ABCA13: variants seen among roughly 807,000 people sequenced by gnomAD.
The protein encoded by ABCA13 is ATP binding cassette subfamily A member 13, also known as ATP-binding cassette sub-family A member 13.
ABCA13 carries 476 observed loss-of-function variants against 478.7 expected under a neutral mutation model. The ratio of observed to expected loss-of-function variants is 0.99; its 90% CI spans 0.92 to 1.07. The LOEUF (loss-of-function observed/expected upper bound fraction) is 1.07. Among genes scored for constraint, ABCA13 ranks in the 50% least tolerant of loss-of-function variants. The probability of loss-of-function intolerance (pLI) is 0.00; values close to 1 mark genes in which losing one functional copy is unlikely to be tolerated. For synonymous variants in ABCA13, 2,252 were observed against 2,158.9 expected (o/e 1.04, Z -1.20); for missense variants, 6,060 against 5,910.6 (o/e 1.03, Z -0.83).
intron 42 of ABCA13, among the ~76,000 whole-genome samples, chr7:48,447,670 G>A (rs1364494519): frequency 6.6e-6 from 1 of 152,164 alleles, no homozygotes; most frequent in Non-Finnish European, 1.5e-5. Flanking sequence ...CCAGGAGAGA[G>A]AGAAGCCTCA....
intron 60 of ABCA13, among the ~76,000 whole-genome samples, chr7:48,644,409 G>A (rs554744115): frequency 2.0e-5 from 3 of 152,186 alleles, no homozygotes; most frequent in Non-Finnish European, 4.4e-5. Context: ...TCAGGGGGCA[G>A]AACAGCAATG....
At chr7:48,476,847 GA>G (rs1284167569) in intron 45 of ABCA13, among the ~76,000 whole-genome samples, 1 of 152,180 alleles carries the variant, frequency 6.6e-6, no homozygotes, top group Admixed American at 6.5e-5. Context: ...CATGAAGTGG[GA>G]AAGGAAAGAG....
At chr7:48,300,161 A>G (rs1333527474) in intron 23 of ABCA13, among the ~76,000 whole-genome samples, 1 of 152,190 alleles carries the variant, frequency 6.6e-6, no homozygotes, top group Non-Finnish European at 1.5e-5. Flanking sequence ...TCCTTTTCTT[A>G]TCTTTCTTCC....
intron 58 of ABCA13, among the ~76,000 whole-genome samples, chr7:48,605,181 T>G (rs753961247): frequency 1.3e-5 from 2 of 152,162 alleles, no homozygotes; most frequent in African/African-American, 2.4e-5. Context: ...ACTCTTTATC[T>G]AATTTGCCAG....
At chr7:48,529,933 A>G (rs1004405389) in intron 55 of ABCA13, among the ~76,000 whole-genome samples, 2 of 151,966 alleles carry the variant, frequency 1.3e-5, no homozygotes, top group African/African-American at 2.4e-5. Flanking sequence ...TTTTATTTCA[A>G]TAGGTTTTTG....
chr7:48,589,390 A>T (rs944276675), intron 57 of ABCA13, among the ~76,000 whole-genome samples: 1 of 152,206 alleles, frequency 6.6e-6, no homozygotes, highest in Non-Finnish European at 1.5e-5. Flanking sequence ...ACATGAAAAT[A>T]TAGCCCAATT....
chr7:48,401,519 A>G (rs1468570433), intron 38 of ABCA13, among the ~76,000 whole-genome samples: 1 of 152,186 alleles, frequency 6.6e-6, no homozygotes, highest in Non-Finnish European at 1.5e-5. Context: ...GGATATATAC[A>G]CATGATTTAT....
chr7:48,540,928 C>T (rs1296471732), intron 55 of ABCA13, among the ~76,000 whole-genome samples: 1 of 152,030 alleles, frequency 6.6e-6, no homozygotes, highest in African/African-American at 2.4e-5. Flanking sequence ...AACTTTTTGT[C>T]TTGGCAAGTT....
chr7:48,510,880 G>A (rs1489223764), intron 50 of ABCA13, among the ~76,000 whole-genome samples: 1 of 151,240 alleles, frequency 6.6e-6, no homozygotes, highest in Non-Finnish European at 1.5e-5. Context: ...GAAATACTGG[G>A]GGTTCAATGT....
chr7:48,421,627 G>C (rs1820753285), intron 41 of ABCA13, among the ~76,000 whole-genome samples: 1 of 152,114 alleles, frequency 6.6e-6, no homozygotes, highest in Non-Finnish European at 1.5e-5. Context: ...TTCTTTCCCA[G>C]CCCTGGCTCT....
Position 48,354,097 on chromosome 7 carries a change from T to TCAGTGCAAACAC in ABCA13, c.10688+1611_10688+1612insAGTGCAAACACC, listed in dbSNP as rs1352203376. Reference sequence around the variant, plus strand: ...ATACCCAGTGCAAACACCTGAGAGCTCTGAGAATTAGTGATCTGTGTTAGA... The same window carrying TCAGTGCAAACAC: ...ATACCCAGTGCAAACACCTGAGAGCTCAGTGCAAACACCTGAGAATTAGTGATCTGTGTTAGA... On this transcript the variant is annotated intron_variant, in intron 31 of 61. Transcript: ENST00000435803. 2.6e-5 allele frequency among the ~76,000 whole-genome samples: 4 copies of TCAGTGCAAACAC among 152,086 alleles called. No individual in the cohort carries two copies. The East Asian group carries it at 5.8e-4, about 22-fold the overall frequency.
At chr7:48,284,126 T>C (rs1797409865) in intron 19 of ABCA13, among the ~76,000 whole-genome samples, 1 of 152,168 alleles carries the variant, frequency 6.6e-6, no homozygotes, top group Admixed American at 6.5e-5. Context: ...AAACTGGTAA[T>C]TTAGGGACTG....
chr7:48,418,866 A>G (rs952081361), intron 41 of ABCA13, among the ~76,000 whole-genome samples: 8 of 152,224 alleles, frequency 5.3e-5, no homozygotes, highest in African/African-American at 1.9e-4. Context: ...GTTATGTATT[A>G]GTCCATTCTC....
intron 49 of ABCA13, among the ~76,000 whole-genome samples, chr7:48,507,618 C>T (rs1279166856): frequency 5.9e-5 from 9 of 152,116 alleles, no homozygotes; most frequent in Non-Finnish European, 1.3e-4. Context: ...CAGATTTTGA[C>T]ACAAGAAGAC....
At position 48,244,630 on chromosome 7, in the gene ABCA13, G is replaced by A. The variant is rs769192916; in HGVS notation, c.1317G>A (p.Pro439=). ...QSLLQNLPQW[P]ALKRFLQLDG... The stretch of plus-strand genomic sequence containing the variant: ...TGCTGCAAAACCTGCCCCAGTGGCC[G>A]GCACTGAAGAGATTTCTTCAGCTTG... Residue 439 remains proline, a synonymous_variant, in exon 11 of 62, where the codon CCG becomes CCA. Transcript: ENST00000435803. The A allele has an allele frequency of 1.6e-5, 26 of 1,612,978 alleles. No homozygotes were observed. In the East Asian group the frequency reaches 3.1e-4, roughly 19 times the overall value.
intron 15 of ABCA13, among the ~76,000 whole-genome samples, chr7:48,264,469 A>G (rs1352903020): frequency 1.3e-5 from 2 of 151,834 alleles, no homozygotes; most frequent in African/African-American, 4.8e-5. Context: ...TTTAAATTTT[A>G]GTCATTCCAA....
chr7:48,484,736 C>T (rs1023656818), intron 47 of ABCA13, among the ~76,000 whole-genome samples: 3 of 152,122 alleles, frequency 2.0e-5, no homozygotes, highest in East Asian at 3.9e-4. Context: ...ATTTACGTGT[C>T]CTTCACCAGG....
At chr7:48,288,142 C>G in intron 20 of ABCA13, 64 bp downstream of exon 20, 2 of 1,419,428 alleles carry the variant, frequency 1.4e-6, no homozygotes, top group South Asian at 2.3e-5. Context: ...GCAAGGCAGT[C>G]CAGTTATTCA....
chr7:48,204,656 G>A (rs1441513863), intron 3 of ABCA13, among the ~76,000 whole-genome samples: 1 of 151,878 alleles, frequency 6.6e-6, no homozygotes, highest in African/African-American at 2.4e-5. Flanking sequence ...CCCTTCCTCC[G>A]CACCTTCCAC....
Sources: allele counts gnomAD v4.1 joint callset (sites outside exome capture counted in the v4.1 genomes callset), GRCh38; gene constraint gnomAD v4.1.1; transcripts MANE v1.5; gene names NCBI Gene and HGNC (gene_info 2026-07-23, HGNC 2026-07-21).